CD6: variants seen among roughly 807,000 people sequenced by gnomAD.
The protein encoded by CD6 is T-cell differentiation antigen CD6.
Under a neutral mutation model 75.3 loss-of-function variants are expected in CD6, and 53 were observed. The ratio of observed to expected loss-of-function variants is 0.70; its 90% CI spans 0.56 to 0.88. The LOEUF (loss-of-function observed/expected upper bound fraction) is 0.88, where lower values mean the gene tolerates loss of function less well. Among genes scored for constraint, CD6 ranks in the 40% least tolerant of loss-of-function variants. CD6 has a pLI of 0.00. For missense variants in CD6, 770 were observed against 897.1 expected (o/e 0.86, Z 1.81); for synonymous variants, 359 against 381.5 (o/e 0.94, Z 0.69).
In CD6 at chr11:61,016,206, G is replaced by A. The variant is rs145681578; in HGVS notation, c.1510+371G>A. Among the ~76,000 whole-genome samples, 171 of 152,208 alleles carry A rather than the reference G, an allele frequency of 1.1e-3. 2 individuals carry two copies. Among genetic ancestry groups the A allele is most frequent in the African/African-American group, 3.4e-3 (142 of 41,538 alleles). ...GGGTTCTCGCATGCCATATCCCTCC[G>A]TGTCCCATCCTGCCCTGTCTGACCC... On this transcript the variant is annotated intron_variant, in intron 9 of 12. Transcript: ENST00000313421.
In CD6 at chr11:61,008,670, G is replaced by T; in HGVS notation, c.606G>T (p.Leu202=). 1 of 1,608,302 alleles carries T rather than the reference G, an allele frequency of 6.2e-7. No individual in the cohort carries two copies. Residue 202 remains leucine (L), a synonymous_variant, in exon 4 of 13, where the codon CTG becomes CTT. Transcript: ENST00000313421. ...ACGCCCACGTGGTGTGCAGGCAACT[G>T]GGCTGCGGCTGGGCAGTCCAGGCCC... is the stretch of plus-strand genomic sequence containing the variant. ...LEDAHVVCRQ[L]GCGWAVQALP...
At chr11:60,973,681 GGA>G (rs1310678080) in intron 1 of CD6, among the ~76,000 whole-genome samples, 26 of 152,304 alleles carry the variant, frequency 1.7e-4, no homozygotes, top group Non-Finnish European at 2.8e-4. Context: ...GATGAGGAGG[GGA>G]GAGGAGATGG....
Position 61,008,908 on chromosome 11 carries a change from C to A in CD6, c.781+63C>A. Reference sequence around the variant, plus strand: ...ACACTCACCATAGGCCTACTGGGCGCCAAGCCTGGAGTTAGTGCCGGAGAG... The same window carrying A: ...ACACTCACCATAGGCCTACTGGGCGACAAGCCTGGAGTTAGTGCCGGAGAG... On this transcript the variant is annotated intron_variant, in intron 4 of 12. Coordinates refer to ENST00000313421, the MANE Select transcript of CD6 (RefSeq NM_006725.5). 3 of 1,389,552 alleles carry A rather than the reference C, an allele frequency of 2.2e-6. No homozygotes were observed. The South Asian group carries it at 4.7e-5, about 22-fold the overall frequency. 86.1% of individuals were successfully genotyped at this position (1,389,552 alleles called of 1,614,324 possible).
intron 1 of CD6, among the ~76,000 whole-genome samples, chr11:60,992,296 A>G (rs1241431402): frequency 6.6e-6 from 1 of 150,724 alleles, no homozygotes; most frequent in Non-Finnish European, 1.5e-5. Flanking sequence ...AAGTGCTGGG[A>G]TTACAAGTGT....
At chr11:61,015,514 T>G in intron 8 of CD6, 199 bp from the exon 9 acceptor site, 1 of 604,648 alleles carries the variant, frequency 1.7e-6, no homozygotes, top group Non-Finnish European at 2.9e-6. Flanking sequence ...AATGCTGCAG[T>G]GAGCTGTGAT....
At chr11:60,989,945 G>A (rs1232254801) in intron 1 of CD6, among the ~76,000 whole-genome samples, 2 of 152,056 alleles carry the variant, frequency 1.3e-5, no homozygotes, top group Admixed American at 1.3e-4. Context: ...CGTTGGCAGG[G>A]TGCATTGATA....
chr11:61,002,480 C>T (rs1315735703), intron 1 of CD6, among the ~76,000 whole-genome samples: 1 of 151,996 alleles, frequency 6.6e-6, no homozygotes, highest in Non-Finnish European at 1.5e-5. Context: ...TTGCTTGAAC[C>T]CAGGAGGTGA....
chr11:60,971,717 GGA>G lies in CD6; in HGVS notation c.-143_-142del, dbSNP rs760655588. 1.4e-6 allele frequency: 1 copy of G among 713,594 alleles called. No individual in the cohort carries two copies. The highest frequency in any genetic ancestry group is 2.4e-6 in the Non-Finnish European group (1 of 415,918). 44.2% of individuals were successfully genotyped at this position (713,594 alleles called of 1,614,324 possible). ...GGTTTGATCGCATGCGTGTCGGAGA[GGA>G]GAGAGCAGAGAGAGACACAGGAACA... On this transcript the variant is annotated 5_prime_UTR_variant, in exon 1 of 13. An upstream open reading frame in the 5' UTR gains an earlier in-frame stop. Coordinates refer to ENST00000313421, the MANE Select transcript of CD6 (RefSeq NM_006725.5).
intron 8 of CD6, 148 bp from the exon 9 acceptor site, chr11:61,015,565 T>C: frequency 1.1e-6 from 1 of 897,980 alleles, no homozygotes; most frequent in Non-Finnish European, 1.7e-6. Flanking sequence ...AGTGAGACCC[T>C]GTCCCAGAAA....
chr11:60,976,919 G>A (rs764114192), intron 1 of CD6, among the ~76,000 whole-genome samples: 9 of 152,084 alleles, frequency 5.9e-5, no homozygotes, highest in Non-Finnish European at 1.2e-4. Flanking sequence ...TTCCTGCCTG[G>A]CAAGACTTCA....
In CD6 at chr11:61,007,417, C is replaced by T. The variant is rs920046353; in HGVS notation, c.119-143C>T. ...AGGTGGGCTCAGGGATGAGCCAGCCCGGCTCCATTTTGCAGACTGGAAAGC... is the reference window on the plus strand; with the variant it reads ...AGGTGGGCTCAGGGATGAGCCAGCCTGGCTCCATTTTGCAGACTGGAAAGC... On this transcript the variant is annotated intron_variant, in intron 2 of 12. Transcript: ENST00000313421. The surrounding 1 kb of genome is among the most constrained non-coding windows in gnomAD (Gnocchi z 4.2). 3.3e-6 allele frequency: 2 copies of T among 597,672 alleles called. No individual in the cohort carries two copies. The highest frequency in any genetic ancestry group is 3.9e-5 in the African/African-American group (2 of 51,048). The allele number at this position is 597,672 out of a possible 1,614,324, so 37.0% of individuals were successfully genotyped here. A position where few individuals can be genotyped will look rare whatever the true frequency, so the allele number is the denominator to read the frequency against.
chr11:60,992,205 T>G (rs1026326537), intron 1 of CD6, among the ~76,000 whole-genome samples: 1 of 151,428 alleles, frequency 6.6e-6, no homozygotes, highest in African/African-American at 2.4e-5. Context: ...AAATTTATTT[T>G]GTAGAGATAG....
At chr11:61,018,553 G>A (rs894944759) in intron 12 of CD6, 160 bp downstream of exon 12, 23 of 618,768 alleles carry the variant, frequency 3.7e-5, no homozygotes, top group Middle Eastern at 8.1e-4. Flanking sequence ...GCAAGGCCAG[G>A]CATGGTAGCT....
chr11:61,007,435 T>C lies in CD6; in HGVS notation c.119-125T>C. 1 of 729,556 alleles carries C rather than the reference T, an allele frequency of 1.4e-6. No homozygotes were observed. Among genetic ancestry groups the C allele is most frequent in the Non-Finnish European group, 2.0e-6 (1 of 495,846 alleles). The allele number at this position is 729,556 out of a possible 1,614,324, so 45.2% of individuals were successfully genotyped here. On this transcript the variant is annotated intron_variant, in intron 2 of 12. Coordinates refer to ENST00000313421, the MANE Select transcript of CD6 (RefSeq NM_006725.5). The surrounding 1 kb of genome is among the most constrained non-coding windows in gnomAD (Gnocchi z 4.2). ...GCCAGCCCGGCTCCATTTTGCAGAC[T>C]GGAAAGCTGAGACCCCTAGCCAGGC...
At chr11:60,984,689 A>C (rs1857730392) in intron 1 of CD6, among the ~76,000 whole-genome samples, 1 of 152,248 alleles carries the variant, frequency 6.6e-6, no homozygotes, top group Non-Finnish European at 1.5e-5. Flanking sequence ...AAATCAGGCA[A>C]AGTAAGGGGA....
chr11:60,986,567 G>C (rs1249730676), intron 1 of CD6, among the ~76,000 whole-genome samples: 1 of 152,234 alleles, frequency 6.6e-6, no homozygotes, highest in Non-Finnish European at 1.5e-5. Flanking sequence ...GGCTGCCTCA[G>C]CCCTAACCAT....
chr11:61,018,328 G>A lies in CD6; in HGVS notation c.1877G>A (p.Gly626Glu), dbSNP rs781160959. Residue 626 changes from glycine to glutamate, a missense_variant, in exon 12 of 13, where the codon GGG (glycine) becomes GAG (glutamate). Coordinates refer to ENST00000313421, the MANE Select transcript of CD6 (RefSeq NM_006725.5). ...PADDSSSTSS[G>E]EWYQNFQPPP... The stretch of plus-strand genomic sequence containing the variant: ...GATGACAGCTCCAGCACCTCATCCG[G>A]GGAGTGGTACCAGAACTTCCAGCCA... 2 of 1,608,578 alleles carry A rather than the reference G, an allele frequency of 1.2e-6. No individual in the cohort carries two copies. The highest frequency in any genetic ancestry group is 1.3e-5 in the African/African-American group (1 of 74,830).
chr11:60,980,806 C>T (rs1180614371), intron 1 of CD6, among the ~76,000 whole-genome samples: 1 of 142,656 alleles, frequency 7.0e-6, no homozygotes, highest in Admixed American at 7.1e-5. Flanking sequence ...CACCACTGCA[C>T]TTCAGCCTAT....
intron 1 of CD6, among the ~76,000 whole-genome samples, chr11:60,994,809 T>G (rs1590692865): frequency 6.6e-6 from 1 of 152,318 alleles, no homozygotes; most frequent in East Asian, 1.9e-4. Context: ...ATTCGGGAGA[T>G]AAGTGTACAT....
Sources: allele counts gnomAD v4.1 joint callset (sites outside exome capture counted in the v4.1 genomes callset), GRCh38; gene constraint gnomAD v4.1.1; non-coding constraint Gnocchi (gnomAD v3.1); transcripts MANE v1.5; gene names NCBI Gene and HGNC (gene_info 2026-07-23, HGNC 2026-07-21).